SMURF2: variants seen among roughly 807,000 people sequenced by gnomAD.
SMURF2 encodes the protein E3 ubiquitin-protein ligase SMURF2.
SMURF2 carries 48 observed loss-of-function variants against 109.6 expected under a neutral mutation model. The observed-to-expected ratio is 0.44, with a 90% CI of 0.35 to 0.56. The LOEUF is 0.56. SMURF2 is among the 20% of genes least tolerant of loss of function. The probability of loss-of-function intolerance (pLI) is 0.01; values close to 1 mark genes in which losing one functional copy is unlikely to be tolerated. For missense variants in SMURF2, 575 were observed against 909.0 expected, an observed-to-expected ratio of 0.63 and a Z score of 4.72; for synonymous variants, 288 against 317.1, an observed-to-expected ratio of 0.91 and a Z score of 0.97.
chr17:64,609,711 G>A (rs949981958), intron 1 of SMURF2, among the ~76,000 whole-genome samples: 4 of 128,176 alleles, frequency 3.1e-5, no homozygotes, highest in Non-Finnish European at 4.7e-5. Context: ...ACACAGGCAC[G>A]CACAAAGACT....
In SMURF2 at chr17:64,591,890, G is replaced by C. The variant is rs545076636; in HGVS notation, c.335-741C>G. Among the ~76,000 whole-genome samples the C allele has an allele frequency of 3.3e-5, 5 of 152,148 alleles. 1 individual carries two copies. Among genetic ancestry groups the C allele is most frequent in the African/African-American group, 1.2e-4 (5 of 41,428 alleles). On this transcript the variant is annotated intron_variant, in intron 4 of 18. Transcript: ENST00000262435. ...TGGTAGAACATTACATCAGGTAGGT[G>C]CTCAATAAATATTTGATAAATTCAA... is the stretch of plus-strand genomic sequence containing the variant.
chr17:64,547,748 G>T lies in SMURF2; in HGVS notation c.1923C>A (p.Thr641=). The T allele has an allele frequency of 6.2e-7, 1 of 1,614,178 alleles. No individual in the cohort carries two copies. Among genetic ancestry groups the T allele is most frequent in the African/African-American group, 1.3e-5 (1 of 75,038 alleles). The change falls in exon 17 of 19, where the codon ACC becomes ACA. Residue 641 remains threonine, a synonymous_variant. Coordinates refer to ENST00000262435, the MANE Select transcript of SMURF2 (RefSeq NM_022739.4). The surrounding 1 kb of genome is among the most constrained non-coding windows in gnomAD (Gnocchi z 4.2). ...TGTCTGGTGTACAGTGTTTTAACCGGGTGTTTACCTTCCAGTCATTAACAT... is the reference window on the plus strand; with the variant it reads ...TGTCTGGTGTACAGTGTTTTAACCGTGTGTTTACCTTCCAGTCATTAACAT... The part of the protein sequence containing the change: ...KIDVNDWKVN[T]RLKHCTPDSN...
intron 16 of SMURF2, among the ~76,000 whole-genome samples, chr17:64,551,134 C>T (rs150925795): frequency 6.6e-6 from 1 of 152,074 alleles, no homozygotes; most frequent in Non-Finnish European, 1.5e-5. Context: ...CCAAGGCAGG[C>T]GGATCACTTG....
At chr17:64,628,560 G>A (rs1289500317) in intron 1 of SMURF2, among the ~76,000 whole-genome samples, 2 of 151,860 alleles carry the variant, frequency 1.3e-5, no homozygotes, top group African/African-American at 2.4e-5. Flanking sequence ...AAATTACCGC[G>A]GCCACTTTGG....
chr17:64,601,954 TAC>T (rs1208187079), intron 2 of SMURF2, among the ~76,000 whole-genome samples: 9 of 149,448 alleles, frequency 6.0e-5, no homozygotes, highest in Admixed American at 1.3e-4. Flanking sequence ...CACCTACATA[TAC>T]ACACACACAC....
At chr17:64,626,208 G>A (rs1291288127) in intron 1 of SMURF2, among the ~76,000 whole-genome samples, 3 of 146,568 alleles carry the variant, frequency 2.0e-5, no homozygotes, top group East Asian at 2.0e-4. Flanking sequence ...GTGGTGAGCC[G>A]AGATCATGCC....
At position 64,580,773 on chromosome 17, in the gene SMURF2, T is replaced by A. The variant is rs782310488; in HGVS notation, c.772+16A>T. On this transcript the variant is annotated intron_variant, in intron 8 of 18. Transcript: ENST00000262435. ...TCAGTAAACCACATTTTATTTTTCC[T>A]TTGTAGTTGTCATACCATAGCCTTC... The A allele has an allele frequency of 6.2e-7, 1 of 1,610,252 alleles. No homozygotes were observed. Among genetic ancestry groups the A allele is most frequent in the South Asian group, 1.1e-5 (1 of 90,714 alleles).
chr17:64,606,457 C>T, intron 2 of SMURF2, 145 bp downstream of exon 2: 1 of 668,870 alleles, frequency 1.5e-6, no homozygotes. Flanking sequence ...AAATGTGATG[C>T]CAAATGGCTC....
At position 64,617,252 on chromosome 17, in the gene SMURF2, G is replaced by A. The variant is rs181337177; in HGVS notation, c.53-10612C>T. ...ACAATCATATTAGCCCTGCTTTTAA[G>A]TAAATATCTTGTCATTTAATGAAGG... On this transcript the variant is annotated intron_variant, in intron 1 of 18. Transcript: ENST00000262435. 1.5e-4 allele frequency among the ~76,000 whole-genome samples: 23 copies of A among 152,074 alleles called. No individual in the cohort carries two copies. In the East Asian group the frequency reaches 4.4e-3, roughly 29 times the overall value.
Position 64,548,446 on chromosome 17 carries a change from G to A in SMURF2, c.1870-645C>T, listed in dbSNP as rs533983310. ...TCTGTCTCCTAGGCTGGAGTGCAGTGGCATGATCTAGGCTCACTGCAACCT... is the reference window on the plus strand; with the variant it reads ...TCTGTCTCCTAGGCTGGAGTGCAGTAGCATGATCTAGGCTCACTGCAACCT... On this transcript the variant is annotated intron_variant, in intron 16 of 18. Transcript: ENST00000262435. 3.0e-3 allele frequency among the ~76,000 whole-genome samples: 460 copies of A among 152,140 alleles called. 1 individual carries two copies. The highest frequency in any genetic ancestry group is 0.011 in the African/African-American group (441 of 41,516).
At chr17:64,548,380 A>C (rs1968989967) in intron 16 of SMURF2, among the ~76,000 whole-genome samples, 1 of 151,932 alleles carries the variant, frequency 6.6e-6, no homozygotes, top group African/African-American at 2.4e-5. Flanking sequence ...TGAGTCATAC[A>C]ATTTGCTTAA....
chr17:64,607,385 T>G (rs1279686012), intron 1 of SMURF2, among the ~76,000 whole-genome samples: 3 of 152,038 alleles, frequency 2.0e-5, no homozygotes, highest in Non-Finnish European at 4.4e-5. Context: ...CCCAGCACTT[T>G]GGGAGGCCGA....
rs200420493 is a variant in SMURF2, at chr17:64,554,820, T to A, written c.1748+36A>T. 2.8e-5 allele frequency: 44 copies of A among 1,597,184 alleles called. No homozygotes were observed. In the African/African-American group the frequency reaches 3.4e-4, roughly 12 times the overall value. ...TTCATACTAACATTCTAGAACATTT[T>A]AAAAAATTCAGCCTTGAGAACACAG... On this transcript the variant is annotated intron_variant, in intron 15 of 18. Transcript: ENST00000262435.
intron 1 of SMURF2, among the ~76,000 whole-genome samples, chr17:64,620,313 C>T (rs960071825): frequency 1.4e-4 from 21 of 152,070 alleles, no homozygotes; most frequent in Admixed American, 9.2e-4. Context: ...ATCTAATATC[C>T]ACAGAAAAAC....
chr17:64,610,076 A>G (rs1193803244), intron 1 of SMURF2, among the ~76,000 whole-genome samples: 3 of 152,242 alleles, frequency 2.0e-5, no homozygotes, highest in Non-Finnish European at 2.9e-5. Flanking sequence ...CACACCAGTT[A>G]GAATGGCAAT....
At chr17:64,642,381 T>C (rs570576302) in intron 1 of SMURF2, among the ~76,000 whole-genome samples, 1 of 152,308 alleles carries the variant, frequency 6.6e-6, no homozygotes, top group Admixed American at 6.5e-5. Context: ...CAAAAGAGAA[T>C]GGATAAATAT....
Position 64,662,074 on chromosome 17 carries a change from TC to T in SMURF2, c.-195del. The T allele has an allele frequency of 1.8e-6, 2 of 1,085,034 alleles. No homozygotes were observed. Among genetic ancestry groups the T allele is most frequent in the Non-Finnish European group, 2.2e-6 (2 of 894,916 alleles). 67.2% of individuals were successfully genotyped at this position (1,085,034 alleles called of 1,614,324 possible). On this transcript the variant is annotated 5_prime_UTR_variant, in exon 1 of 19. Coordinates refer to ENST00000262435, the MANE Select transcript of SMURF2 (RefSeq NM_022739.4). The stretch of plus-strand genomic sequence containing the variant: ...AGCGGGACGCCGAGCTCCCCCCTCC[TC>T]CCACTTCTCCTTCCTCGGCCCGGGC...
intron 1 of SMURF2, among the ~76,000 whole-genome samples, chr17:64,639,576 CA>C (rs567006951): frequency 2.8e-5 from 4 of 142,058 alleles, no homozygotes; most frequent in Non-Finnish European, 4.6e-5. Flanking sequence ...GACTCTGACT[CA>C]AAAAAAAAAG....
chr17:64,574,014 A>C (rs567595613), intron 9 of SMURF2, among the ~76,000 whole-genome samples: 1 of 152,324 alleles, frequency 6.6e-6, no homozygotes, highest in Admixed American at 6.5e-5. Flanking sequence ...GATCAGCAAA[A>C]ATAACGAATG....
Sources: allele counts gnomAD v4.1 joint callset (sites outside exome capture counted in the v4.1 genomes callset), GRCh38; gene constraint gnomAD v4.1.1; non-coding constraint Gnocchi (gnomAD v3.1); transcripts MANE v1.5; gene names NCBI Gene and HGNC (gene_info 2026-07-23, HGNC 2026-07-21).